Variants in CFAP58 observed in about 807,000 individuals in gnomAD.
CFAP58 encodes the protein cilia and flagella associated protein 58, also known as cilia- and flagella-associated protein 58.
A neutral mutation model predicts 119.5 loss-of-function variants in CFAP58; 88 were observed. That is an observed-to-expected ratio of 0.74 (90% CI 0.62 to 0.88). The LOEUF (loss-of-function observed/expected upper bound fraction) is 0.88, where lower values mean the gene tolerates loss of function less well. Ranked by LOEUF, CFAP58 falls within the 40% of genes least tolerant of loss-of-function variation. The probability of loss-of-function intolerance (pLI) is 0.00; values close to 1 mark genes in which losing one functional copy is unlikely to be tolerated. For missense variants in CFAP58, 990 were observed against 1,021.2 expected, an observed-to-expected ratio of 0.97 and a Z score of 0.42; for synonymous variants, 365 against 366.3, an observed-to-expected ratio of 1.00 and a Z score of 0.04.
At chr10:104,363,304 GGCATCAAC>G (rs1203690847) in intron 3 of CFAP58, among the ~76,000 whole-genome samples, 11 of 152,138 alleles carry the variant, frequency 7.2e-5, no homozygotes, top group Non-Finnish European at 1.5e-4. Flanking sequence ...TGCAAAACAT[GGCATCAAC>G]GAATGAATCA....
At chr10:104,401,211 A>C (rs2012259246) in intron 13 of CFAP58, among the ~76,000 whole-genome samples, 1 of 152,186 alleles carries the variant, frequency 6.6e-6, no homozygotes, top group Admixed American at 6.5e-5. Context: ...ACAATTCAGA[A>C]ATTTTTTCCC....
At chr10:104,426,151 G>C (rs903409863) in intron 15 of CFAP58, among the ~76,000 whole-genome samples, 7 of 152,184 alleles carry the variant, frequency 4.6e-5, no homozygotes, top group Non-Finnish European at 1.0e-4. Context: ...AGGATCACCT[G>C]ATCACCCTTG....
chr10:104,404,913 A>AT (rs1324968001), intron 14 of CFAP58, among the ~76,000 whole-genome samples: 1 of 151,920 alleles, frequency 6.6e-6, no homozygotes, highest in Non-Finnish European at 1.5e-5. Flanking sequence ...TTTCATTTTA[A>AT]TTTTTTTTCT....
At chr10:104,396,000 T>C (rs2012145747) in intron 11 of CFAP58, among the ~76,000 whole-genome samples, 1 of 152,192 alleles carries the variant, frequency 6.6e-6, no homozygotes, top group Admixed American at 6.5e-5. Context: ...GCTACCAGGC[T>C]CCACTGATGC....
intron 6 of CFAP58, 63 bp from the exon 7 acceptor site, chr10:104,370,832 A>G: frequency 1.4e-6 from 2 of 1,452,748 alleles, no homozygotes; most frequent in African/African-American, 1.4e-5. Context: ...TGAGTTTACC[A>G]TCATCCAGTT....
intron 15 of CFAP58, among the ~76,000 whole-genome samples, chr10:104,433,920 TCTCCAGAACCCTCA>T (rs1180970276): frequency 3.9e-5 from 6 of 152,218 alleles, no homozygotes; most frequent in African/African-American, 1.4e-4. Context: ...TGCTCTGGTC[TCTCCAGAACCCTCA>T]CTCCCTTGGC....
intron 13 of CFAP58, among the ~76,000 whole-genome samples, chr10:104,402,130 C>G (rs1244000520): frequency 2.6e-5 from 4 of 152,196 alleles, no homozygotes; most frequent in African/African-American, 9.6e-5. Context: ...TCCAATCTGT[C>G]TGGCTACCTA....
intron 17 of CFAP58, 82 bp downstream of exon 17, chr10:104,450,286 G>C: frequency 6.9e-7 from 1 of 1,455,220 alleles, no homozygotes; most frequent in Non-Finnish European, 9.5e-7. Context: ...TCACAGAGTT[G>C]CAAGTTTCAC....
chr10:104,406,088 C>A (rs1042494053), intron 14 of CFAP58, among the ~76,000 whole-genome samples: 5 of 152,156 alleles, frequency 3.3e-5, no homozygotes, highest in Admixed American at 6.5e-5. Flanking sequence ...CAGAGTGAGA[C>A]CCTGTCTCAA....
At chr10:104,378,165 TC>T (rs1444736840) in intron 8 of CFAP58, among the ~76,000 whole-genome samples, 4 of 152,242 alleles carry the variant, frequency 2.6e-5, no homozygotes, top group Non-Finnish European at 4.4e-5. Context: ...AGCACCCAAC[TC>T]TGCAGGTATG....
At position 104,354,662 on chromosome 10, in the gene CFAP58, C is replaced by G. The variant is rs2014517105; in HGVS notation, c.9+756C>G. On this transcript the variant is annotated intron_variant, in intron 1 of 17. Coordinates refer to ENST00000369704, the MANE Select transcript of CFAP58 (RefSeq NM_001008723.2). ...TTCATGGCCCCATCAGAGCCCTTCCCCCATCACCCATCCCACGGTCTGTTC... is the reference window on the plus strand; with the variant it reads ...TTCATGGCCCCATCAGAGCCCTTCCGCCATCACCCATCCCACGGTCTGTTC... Among the ~76,000 whole-genome samples, 3 of 152,178 alleles carry G rather than the reference C, an allele frequency of 2.0e-5. No individual in the cohort carries two copies. The South Asian group carries it at 6.2e-4, about 32-fold the overall frequency.
At chr10:104,401,273 C>T (rs1050531702) in intron 13 of CFAP58, among the ~76,000 whole-genome samples, 1 of 152,156 alleles carries the variant, frequency 6.6e-6, no homozygotes, top group African/African-American at 2.4e-5. Context: ...AGAGAGGGAG[C>T]ATCAATATTG....
intron 1 of CFAP58, among the ~76,000 whole-genome samples, chr10:104,357,810 T>C (rs892382754): frequency 8.0e-5 from 12 of 150,054 alleles, no homozygotes; most frequent in East Asian, 2.0e-4. Context: ...TACACACATA[T>C]ATATGTACAT....
intron 1 of CFAP58, among the ~76,000 whole-genome samples, chr10:104,358,030 C>T (rs1193868756): frequency 7.3e-6 from 1 of 137,036 alleles, no homozygotes; most frequent in African/African-American, 2.7e-5. Context: ...CATATATATA[C>T]ATATGTACAT....
chr10:104,395,391 G>A (rs888043028), intron 11 of CFAP58, among the ~76,000 whole-genome samples: 10 of 152,168 alleles, frequency 6.6e-5, no homozygotes, highest in Non-Finnish European at 1.5e-4. Flanking sequence ...ATGGCTTTAG[G>A]TCATCGATTA....
Position 104,357,921 on chromosome 10 carries a change from G to A in CFAP58, c.10-420G>A, listed in dbSNP as rs1301119856. Among the ~76,000 whole-genome samples, 366 of 105,498 alleles carry A rather than the reference G, an allele frequency of 3.5e-3. 18 individuals carry two copies. The highest frequency in any genetic ancestry group is 1.3e-3 in the East Asian group (5 of 3,978). 69.2% of individuals were successfully genotyped at this position (105,498 alleles called of 152,430 possible). A position where few individuals can be genotyped will look rare whatever the true frequency, so the allele number is the denominator to read the frequency against. ...TATGTACACATATACACACATATAT[G>A]TACACATATACACACATATATGTAC... On this transcript the variant is annotated intron_variant, in intron 1 of 17. Transcript: ENST00000369704.
intron 16 of CFAP58, among the ~76,000 whole-genome samples, chr10:104,448,188 G>A (rs2013140131): frequency 6.6e-6 from 1 of 152,216 alleles, no homozygotes; most frequent in Non-Finnish European, 1.5e-5. Context: ...ACCAACTGAA[G>A]CAGACTGCCG....
chr10:104,404,799 C>A (rs1055598715), intron 14 of CFAP58, among the ~76,000 whole-genome samples: 2 of 152,110 alleles, frequency 1.3e-5, no homozygotes, highest in African/African-American at 4.8e-5. Context: ...TTAGCAGAGA[C>A]ACGGTTTCAC....
chr10:104,400,111 G>A lies in CFAP58; in HGVS notation c.1816-569G>A, dbSNP rs75891084. ...TAATGGGTTTGGAAATAAACAAAAC[G>A]ATACACACATGGGCTACAGATTATT... On this transcript the variant is annotated intron_variant, in intron 12 of 17. Transcript: ENST00000369704. Among the ~76,000 whole-genome samples, 1,164 of 152,098 alleles carry A rather than the reference G, an allele frequency of 7.7e-3. 12 individuals are homozygous for A. Among genetic ancestry groups the A allele is most frequent in the African/African-American group, 0.027 (1,104 of 41,454 alleles).
Sources: allele counts gnomAD v4.1 joint callset (sites outside exome capture counted in the v4.1 genomes callset), GRCh38; gene constraint gnomAD v4.1.1; transcripts MANE v1.5; gene names NCBI Gene and HGNC (gene_info 2026-07-23, HGNC 2026-07-21).